Variants in SYNDIG1 observed in about 807,000 individuals in gnomAD.
SYNDIG1 encodes synapse differentiation inducing 1, also known as synapse differentiation-inducing gene protein 1.
In SYNDIG1, 9 loss-of-function variants were observed where a neutral mutation model predicts 19.4. The ratio of observed to expected loss-of-function variants is 0.46; its 90% CI spans 0.28 to 0.81. SYNDIG1 has a LOEUF of 0.81. Ranked by LOEUF, SYNDIG1 falls within the 30% of genes least tolerant of loss-of-function variation. The pLI is 0.12. For synonymous variants in SYNDIG1, 141 were observed against 145.9 expected (o/e 0.97, Z 0.24); for missense variants, 311 against 343.3 (o/e 0.91, Z 0.74).
chr20:24,665,728 A>C lies in SYNDIG1; in HGVS notation c.*224A>C. ...GGGCACTGCTAATCCTTCCAAAGGA[A>C]AGCTCCAAAGATCCCAGCCCGCAAG... On this transcript the variant is annotated 3_prime_UTR_variant, in exon 4 of 4. Coordinates refer to ENST00000376862, the MANE Select transcript of SYNDIG1 (RefSeq NM_024893.3). 1.8e-6 allele frequency: 1 copy of C among 561,948 alleles called. No homozygotes were observed. The highest frequency in any genetic ancestry group is 2.0e-5 in the African/African-American group (1 of 50,538). 34.8% of individuals were successfully genotyped at this position (561,948 alleles called of 1,614,324 possible).
At chr20:24,551,972 A>G (rs964365936) in intron 2 of SYNDIG1, among the ~76,000 whole-genome samples, 4 of 152,198 alleles carry the variant, frequency 2.6e-5, no homozygotes, top group Admixed American at 6.5e-5. Flanking sequence ...TGTTTTATAC[A>G]GATTCGCAAG....
At chr20:24,507,756 GA>G (rs1216107140) in intron 1 of SYNDIG1, among the ~76,000 whole-genome samples, 1 of 152,236 alleles carries the variant, frequency 6.6e-6, no homozygotes, top group African/African-American at 2.4e-5. Context: ...CATTTAACCA[GA>G]AGAGAAGCAG....
intron 1 of SYNDIG1, among the ~76,000 whole-genome samples, chr20:24,482,621 AT>A (rs2055831003): frequency 6.6e-6 from 1 of 152,210 alleles, no homozygotes; most frequent in Admixed American, 6.5e-5. Flanking sequence ...GAGTATGTGT[AT>A]CTTGCTTCCA....
chr20:24,583,784 G>A (rs1182529518), intron 2 of SYNDIG1, among the ~76,000 whole-genome samples: 1 of 152,130 alleles, frequency 6.6e-6, no homozygotes, highest in Non-Finnish European at 1.5e-5. Context: ...CTATGGAATC[G>A]CAAACCACAT....
At chr20:24,583,759 G>T (rs913302995) in intron 2 of SYNDIG1, among the ~76,000 whole-genome samples, 2 of 152,304 alleles carry the variant, frequency 1.3e-5, no homozygotes, top group African/African-American at 4.8e-5. Flanking sequence ...CATCTGAGCT[G>T]CTTTTCAAAA....
intron 2 of SYNDIG1, among the ~76,000 whole-genome samples, chr20:24,578,100 A>G (rs1568656439): frequency 6.6e-6 from 1 of 152,218 alleles, no homozygotes; most frequent in Non-Finnish European, 1.5e-5. Context: ...GGCACTTAGG[A>G]TACAGCTTTG....
At chr20:24,651,477 CAT>C (rs1483711383) in intron 3 of SYNDIG1, among the ~76,000 whole-genome samples, 2 of 152,144 alleles carry the variant, frequency 1.3e-5, no homozygotes, top group African/African-American at 4.8e-5. Flanking sequence ...AACGACCACA[CAT>C]GAGCCAAGTT....
At chr20:24,547,041 A>C (rs1291627135) in intron 2 of SYNDIG1, among the ~76,000 whole-genome samples, 1 of 151,976 alleles carries the variant, frequency 6.6e-6, no homozygotes, top group Non-Finnish European at 1.5e-5. Flanking sequence ...CCTTGTTCAG[A>C]GGGGGCCACC....
At chr20:24,561,355 A>G (rs2057942298) in intron 2 of SYNDIG1, among the ~76,000 whole-genome samples, 1 of 152,094 alleles carries the variant, frequency 6.6e-6, no homozygotes, top group African/African-American at 2.4e-5. Flanking sequence ...TTGTCCTCCA[A>G]TTTGCCATTT....
intron 2 of SYNDIG1, among the ~76,000 whole-genome samples, chr20:24,558,113 C>G (rs2057863398): frequency 6.6e-6 from 1 of 152,164 alleles, no homozygotes; most frequent in Admixed American, 6.5e-5. Flanking sequence ...GGCTTGGTGT[C>G]TCATAGTCTG....
At chr20:24,649,989 C>T (rs1161767054) in intron 3 of SYNDIG1, among the ~76,000 whole-genome samples, 1 of 152,178 alleles carries the variant, frequency 6.6e-6, no homozygotes, top group Non-Finnish European at 1.5e-5. Context: ...ACATTTTGTG[C>T]AACAAACAGA....
intron 1 of SYNDIG1, among the ~76,000 whole-genome samples, chr20:24,493,328 G>C (rs1042518885): frequency 1.3e-5 from 2 of 151,854 alleles, no homozygotes; most frequent in African/African-American, 4.8e-5. Context: ...AAGCATGCAC[G>C]TGCACACACA....
At chr20:24,540,390 T>A (rs927181858) in intron 1 of SYNDIG1, among the ~76,000 whole-genome samples, 1 of 152,206 alleles carries the variant, frequency 6.6e-6, no homozygotes, top group African/African-American at 2.4e-5. Context: ...TTGCCTAATT[T>A]CTCTGGCTAC....
chr20:24,606,224 C>T (rs2058755222), intron 3 of SYNDIG1, among the ~76,000 whole-genome samples: 1 of 152,230 alleles, frequency 6.6e-6, no homozygotes, highest in Admixed American at 6.5e-5. Context: ...CAGTGCTGGC[C>T]TCAGATGGCC....
At chr20:24,472,713 A>T (rs2055503829) in intron 1 of SYNDIG1, among the ~76,000 whole-genome samples, 1 of 152,206 alleles carries the variant, frequency 6.6e-6, no homozygotes, top group Non-Finnish European at 1.5e-5. Flanking sequence ...GAGGCATGGC[A>T]CGCAGGGAGG....
chr20:24,627,185 G>GCGAGAGCGAGAC, intron 3 of SYNDIG1, among the ~76,000 whole-genome samples: 1 of 151,018 alleles, frequency 6.6e-6, no homozygotes, highest in African/African-American at 2.5e-5. Context: ...GAGAGCGAGA[G>GCGAGAGCGAGAC]CTGCCTGGGA....
At chr20:24,498,620 C>A (rs2056360941) in intron 1 of SYNDIG1, among the ~76,000 whole-genome samples, 1 of 152,194 alleles carries the variant, frequency 6.6e-6, no homozygotes, top group South Asian at 2.1e-4. Context: ...TTGTGTGTAA[C>A]CGTGTTCCAC....
intron 3 of SYNDIG1, among the ~76,000 whole-genome samples, chr20:24,618,207 A>G (rs1248262390): frequency 2.8e-4 from 18 of 64,462 alleles, no homozygotes; most frequent in African/African-American, 3.6e-4. Flanking sequence ...GGGGAGGGGT[A>G]AGAGCCCGGG....
intron 3 of SYNDIG1, among the ~76,000 whole-genome samples, chr20:24,663,557 G>A (rs986658857): frequency 3.4e-4 from 52 of 152,296 alleles, no homozygotes; most frequent in African/African-American, 1.2e-3. Context: ...CCCAGCCCAG[G>A]CCCCAGGGAG....
Sources: gnomAD v4.1 joint callset for allele counts (sites outside exome capture counted in the v4.1 genomes callset) on GRCh38, gnomAD v4.1.1 for gene constraint, MANE v1.5 for transcripts, NCBI Gene and HGNC (gene_info 2026-07-23, HGNC 2026-07-21) for gene names.